DMD: variants seen among roughly 807,000 people sequenced by gnomAD.
The protein encoded by DMD is mutant dystrophin.
DMD carries 63 observed loss-of-function variants against 330.1 expected under a neutral mutation model. That is an observed-to-expected ratio of 0.19 (90% confidence interval 0.16 to 0.24). The LOEUF (loss-of-function observed/expected upper bound fraction) is 0.24. Ranked by LOEUF, DMD falls within the 10% of genes least tolerant of loss-of-function variation. The pLI, the probability that DMD is intolerant of heterozygous loss-of-function variation, is 1.00. For missense variants in DMD, 3,344 were observed against 2,684.1 expected, an observed-to-expected ratio of 1.25 and a Z score of -5.43; for synonymous variants, 1,223 against 959.8, an observed-to-expected ratio of 1.27 and a Z score of -5.07.
intron 7 of DMD, among the ~76,000 whole-genome samples, chrX:32,805,225 A>G (rs914735781): frequency 8.9e-6 from 1 of 111,988 alleles, no homozygotes; most frequent in East Asian, 2.8e-4. Context: ...AAAAAAGGTT[A>G]GAGGAGTTGC....
At chrX:32,070,560 C>A (rs2096288573) in intron 44 of DMD, among the ~76,000 whole-genome samples, 1 of 110,528 alleles carries the variant, frequency 9.0e-6, no homozygotes, top group South Asian at 3.9e-4. Context: ...CATCAATCGA[C>A]AAGTAGATAA....
intron 2 of DMD, among the ~76,000 whole-genome samples, chrX:32,943,476 T>C (rs5927115): frequency 9.0e-6 from 1 of 111,595 alleles, no homozygotes; most frequent in African/African-American, 3.3e-5. Flanking sequence ...TGTATGTATT[T>C]GGATTACCTT....
At chrX:32,438,696 A>C (rs1372527654) in intron 28 of DMD, among the ~76,000 whole-genome samples, 1 of 111,797 alleles carries the variant, frequency 8.9e-6, no homozygotes, top group African/African-American at 3.3e-5. Context: ...TAAATTTCTC[A>C]ACTTCTCTGA....
chrX:33,127,193 G>A (rs747654060), intron 1 of DMD, among the ~76,000 whole-genome samples: 2 of 110,043 alleles, frequency 1.8e-5, no homozygotes, highest in African/African-American at 3.3e-5. Flanking sequence ...AAAACTAGCT[G>A]TCTTCCTAAA....
chrX:31,377,010 C>T (rs775505236), intron 60 of DMD, among the ~76,000 whole-genome samples: 2 of 112,344 alleles, frequency 1.8e-5, no homozygotes, highest in East Asian at 5.6e-4. Flanking sequence ...CATTTGCAAA[C>T]TTAGTACATA....
At chrX:31,407,597 G>A (rs1422567093) in intron 60 of DMD, among the ~76,000 whole-genome samples, 3 of 105,478 alleles carry the variant, frequency 2.8e-5, no homozygotes, top group Non-Finnish European at 3.9e-5. Flanking sequence ...TCAGCCTCCC[G>A]AGTAGCTGGG....
At chrX:32,677,746 T>G (rs1162176042) in intron 9 of DMD, among the ~76,000 whole-genome samples, 1 of 111,700 alleles carries the variant, frequency 9.0e-6, no homozygotes, top group African/African-American at 3.2e-5. Context: ...ATAACTATTA[T>G]GAAGCCATTT....
At chrX:32,760,307 T>G (rs1022862709) in intron 7 of DMD, among the ~76,000 whole-genome samples, 1 of 105,177 alleles carries the variant, frequency 9.5e-6, no homozygotes, top group African/African-American at 3.5e-5. Flanking sequence ...CCACATAGTA[T>G]TTAACAGCAT....
chrX:32,683,383 G>A (rs777935728), intron 9 of DMD, among the ~76,000 whole-genome samples: 1 of 109,595 alleles, frequency 9.1e-6, no homozygotes, highest in South Asian at 4.0e-4. Flanking sequence ...GCAAAGACTT[G>A]GAATCAACCC....
At chrX:31,213,521 C>T (rs747032576) in intron 64 of DMD, among the ~76,000 whole-genome samples, 23 of 111,843 alleles carry the variant, frequency 2.1e-4, no homozygotes, top group Non-Finnish European at 3.4e-4. Flanking sequence ...AGCTCTTGTT[C>T]CAAGAGAGAA....
At chrX:31,161,258 C>T (rs1267968578) in intron 74 of DMD, among the ~76,000 whole-genome samples, 1 of 111,746 alleles carries the variant, frequency 8.9e-6, no homozygotes, top group African/African-American at 3.3e-5. Context: ...ATCTCCCTGG[C>T]TACAGGGAAG....
intron 4 of DMD, among the ~76,000 whole-genome samples, chrX:32,826,293 A>T (rs963292086): frequency 1.8e-5 from 2 of 112,186 alleles, no homozygotes; most frequent in Non-Finnish European, 3.8e-5. Context: ...TCAAAAAATT[A>T]CAAATAAAAC....
In DMD at chrX:32,470,011, T is replaced by C. The variant is rs537572180; in HGVS notation, c.2950-1301A>G. ...AGAGTTAACCTCAGTAAAATTCATA[T>C]TGAATTTACATTTCCAGCAGTAAGA... On this transcript the variant is annotated intron_variant, in intron 22 of 78. Coordinates refer to ENST00000357033, the MANE Select transcript of DMD (RefSeq NM_004006.3). Among the ~76,000 whole-genome samples the C allele has an allele frequency of 1.9e-4, 21 of 111,668 alleles. No individual in the cohort carries two copies. In the South Asian group the frequency reaches 5.2e-3, roughly 27 times the overall value.
At chrX:32,035,848 C>A (rs1312749775) in intron 44 of DMD, among the ~76,000 whole-genome samples, 1 of 110,519 alleles carries the variant, frequency 9.0e-6, no homozygotes, top group Admixed American at 9.6e-5. Context: ...ACGAAAAAAA[C>A]AACAGGGAAC....
intron 43 of DMD, among the ~76,000 whole-genome samples, chrX:32,241,145 A>G (rs1368862370): frequency 8.9e-6 from 1 of 111,981 alleles, no homozygotes; most frequent in East Asian, 2.8e-4. Context: ...GAGAAGATAA[A>G]TGTATGTTTT....
At chrX:33,092,321 T>C (rs764036759) in intron 1 of DMD, among the ~76,000 whole-genome samples, 1 of 112,316 alleles carries the variant, frequency 8.9e-6, no homozygotes, top group Non-Finnish European at 1.9e-5. Flanking sequence ...CTGATCATTA[T>C]GTATCAATAA....
chrX:32,745,929 G>C (rs2069944772), intron 7 of DMD, among the ~76,000 whole-genome samples: 1 of 112,166 alleles, frequency 8.9e-6, no homozygotes, highest in Non-Finnish European at 1.9e-5. Context: ...CGAACAGCTA[G>C]ATTTGAAGAG....
At chrX:31,945,461 G>A (rs983440915) in intron 45 of DMD, among the ~76,000 whole-genome samples, 5 of 111,689 alleles carry the variant, frequency 4.5e-5, no homozygotes, top group Non-Finnish European at 7.5e-5. Flanking sequence ...CTCAGCCTCC[G>A]AGTAGCTGGG....
intron 78 of DMD, among the ~76,000 whole-genome samples, chrX:31,125,571 G>C (rs188664188): frequency 3.6e-3 from 399 of 112,108 alleles, no homozygotes; most frequent in African/African-American, 0.012. Flanking sequence ...CCATGGGAGA[G>C]CTTTCCTTCT....
Sources: allele counts gnomAD v4.1 joint callset (sites outside exome capture counted in the v4.1 genomes callset), GRCh38; gene constraint gnomAD v4.1.1; transcripts MANE v1.5; gene names NCBI Gene and HGNC (gene_info 2026-07-23, HGNC 2026-07-21).